ADGRL2: variants seen among roughly 807,000 people sequenced by gnomAD.
ADGRL2 encodes the protein adhesion G protein-coupled receptor L2, also known as calcium-independent alpha-latrotoxin receptor 2.
ADGRL2 carries 44 observed loss-of-function variants against 157.4 expected under a neutral mutation model. The observed-to-expected ratio is 0.28, with a 90% confidence interval of 0.22 to 0.36. The LOEUF is 0.36. ADGRL2 is among the 10% of genes least tolerant of loss of function. The probability of loss-of-function intolerance (pLI) is 1.00; values close to 1 mark genes in which losing one functional copy is unlikely to be tolerated. For synonymous variants in ADGRL2, 585 were observed against 624.7 expected (o/e 0.94, Z 0.95); for missense variants, 1,510 against 1,768.9 (o/e 0.85, Z 2.63).
At chr1:81,933,727 T>C (rs766562048) in intron 3 of ADGRL2, among the ~76,000 whole-genome samples, 58 of 152,160 alleles carry the variant, frequency 3.8e-4, no homozygotes, top group Non-Finnish European at 7.1e-4. Flanking sequence ...CTCCTCACTC[T>C]CTATTTGGAA....
intron 3 of ADGRL2, among the ~76,000 whole-genome samples, chr1:81,663,748 C>A (rs1053899722): frequency 1.3e-5 from 2 of 152,262 alleles, no homozygotes; most frequent in Non-Finnish European, 2.9e-5. Context: ...TTTGCAGGGT[C>A]CAGGCATTTG....
chr1:81,553,382 C>T (rs2148400107), intron 2 of ADGRL2, among the ~76,000 whole-genome samples: 1 of 152,218 alleles, frequency 6.6e-6, no homozygotes, highest in East Asian at 1.9e-4. Context: ...GTATTTGCAG[C>T]TATGCAAAAA....
At chr1:81,786,656 C>A (rs973176854) in intron 2 of ADGRL2, among the ~76,000 whole-genome samples, 6 of 152,122 alleles carry the variant, frequency 3.9e-5, no homozygotes, top group Admixed American at 1.3e-4. Context: ...AGCAAATATT[C>A]TTCTTTGAAA....
chr1:81,730,637 T>C (rs9324185), intron 1 of ADGRL2, among the ~76,000 whole-genome samples: 63,866 of 151,636 alleles, frequency 0.42, 13,850 homozygotes, highest in South Asian at 0.54. Context: ...GCACGAGAAT[T>C]GCTTGAACCT....
At chr1:81,808,876 T>C (rs1228894157) in intron 1 of ADGRL2, among the ~76,000 whole-genome samples, 1 of 152,062 alleles carries the variant, frequency 6.6e-6, no homozygotes, top group Non-Finnish European at 1.5e-5. Flanking sequence ...GCACAACCGC[T>C]ACTCAAAGCC....
At chr1:81,739,049 T>C (rs557395704) in intron 1 of ADGRL2, among the ~76,000 whole-genome samples, 2 of 152,288 alleles carry the variant, frequency 1.3e-5, no homozygotes, top group African/African-American at 4.8e-5. Flanking sequence ...CAAAAACCTT[T>C]TGTGCTGGTA....
intron 3 of ADGRL2, among the ~76,000 whole-genome samples, chr1:81,909,551 G>A (rs2094662801): frequency 6.6e-6 from 1 of 152,162 alleles, no homozygotes; most frequent in African/African-American, 2.4e-5. Context: ...TACTCAGTAG[G>A]TTAGAGAAGT....
At chr1:81,502,261 T>C in intron 2 of ADGRL2, 1 of 1,613,542 alleles carries the variant, frequency 6.2e-7, no homozygotes, top group Non-Finnish European at 8.5e-7. Context: ...ATACCAAAGA[T>C]GCTTCCAAGG....
At chr1:81,750,197 G>A (rs1164996233) in intron 1 of ADGRL2, among the ~76,000 whole-genome samples, 1 of 152,126 alleles carries the variant, frequency 6.6e-6, no homozygotes, top group Non-Finnish European at 1.5e-5. Flanking sequence ...ATGAAGCTGG[G>A]ACAAGTAAGG....
intron 3 of ADGRL2, among the ~76,000 whole-genome samples, chr1:81,590,321 C>CCCTT (rs2081107146): frequency 3.3e-5 from 5 of 152,092 alleles, no homozygotes; most frequent in Admixed American, 2.0e-4. Flanking sequence ...TGAACCAATA[C>CCCTT]CCTTGTTGGT....
chr1:81,808,995 G>T (rs1014291195), intron 1 of ADGRL2, among the ~76,000 whole-genome samples: 1 of 152,008 alleles, frequency 6.6e-6, no homozygotes, highest in Admixed American at 6.6e-5. Flanking sequence ...TCAGATTTCT[G>T]CCTGAGGGTA....
chr1:81,464,103 ATACT>A (rs2077999361), intron 2 of ADGRL2, among the ~76,000 whole-genome samples: 1 of 152,200 alleles, frequency 6.6e-6, no homozygotes, highest in African/African-American at 2.4e-5. Flanking sequence ...GAAATGATTG[ATACT>A]TAAAGTGTTA....
At chr1:81,835,356 C>G (rs761107953) in intron 1 of ADGRL2, among the ~76,000 whole-genome samples, 28 of 152,108 alleles carry the variant, frequency 1.8e-4, no homozygotes, top group Non-Finnish European at 3.2e-4. Context: ...AGAAATTGTT[C>G]ATTGATGGCC....
In ADGRL2 at chr1:81,936,799, A is replaced by C; in HGVS notation, c.359A>C (p.Tyr120Ser). ...TTTCCTGATCCATGTCCTGGAACAT[A>C]CAAATACCTTGAAGTCCAATATGAA... is the stretch of plus-strand genomic sequence containing the variant. The part of the protein sequence containing the change: ...DVFPDPCPGT[Y>S]KYLEVQYECV... The change falls in exon 4 of 24, where the codon TAC (tyrosine) becomes TCC (serine). Residue 120 changes from tyrosine (Y) to serine (S), a missense_variant. Physicochemically the swap from Tyr to Ser is moderately radical, Grantham distance 144 (BLOSUM62 -2). This residue lies in a region of ADGRL2 where 361 missense variants were observed against 498.4 expected (regional missense o/e 0.72). Transcript: ENST00000686636. 1 of 1,611,332 alleles carries C rather than the reference A, an allele frequency of 6.2e-7. No homozygotes were observed. The highest frequency in any genetic ancestry group is 8.5e-7 in the Non-Finnish European group (1 of 1,177,750).
At chr1:81,948,228 A>G (rs75772289) in intron 6 of ADGRL2, among the ~76,000 whole-genome samples, 1 of 146,548 alleles carries the variant, frequency 6.8e-6, no homozygotes, top group South Asian at 2.3e-4. Flanking sequence ...AAAAAAAAAC[A>G]AAAACAAAAA....
intron 6 of ADGRL2, among the ~76,000 whole-genome samples, chr1:81,944,306 C>T (rs532014437): frequency 3.3e-5 from 5 of 152,106 alleles, no homozygotes; most frequent in African/African-American, 1.2e-4. Context: ...AAATTAGTGA[C>T]AGTTTGAAGT....
At chr1:81,748,948 G>A (rs2085403511) in intron 1 of ADGRL2, among the ~76,000 whole-genome samples, 1 of 152,126 alleles carries the variant, frequency 6.6e-6, no homozygotes, top group Non-Finnish European at 1.5e-5. Flanking sequence ...GCTTATAGGG[G>A]TGAGCCACTG....
intron 2 of ADGRL2, among the ~76,000 whole-genome samples, chr1:81,790,810 A>G (rs1000639966): frequency 2.4e-4 from 37 of 152,290 alleles, no homozygotes; most frequent in Non-Finnish European, 1.0e-4. Context: ...GAATAGTATA[A>G]TACTTCCTAT....
intron 3 of ADGRL2, among the ~76,000 whole-genome samples, chr1:81,629,922 T>C (rs1003253377): frequency 2.0e-5 from 3 of 152,020 alleles, no homozygotes; most frequent in South Asian, 4.2e-4. Context: ...TACTAAATCA[T>C]AATGTAAAAT....
Sources: allele counts gnomAD v4.1 joint callset (sites outside exome capture counted in the v4.1 genomes callset), GRCh38; gene constraint gnomAD v4.1.1; regional missense constraint gnomAD v4.1.1; transcripts MANE v1.5; gene names NCBI Gene and HGNC (gene_info 2026-07-23, HGNC 2026-07-21).